Variants in USP34 observed in about 807,000 individuals in gnomAD.
USP34 encodes the protein ubiquitin specific peptidase 34.
USP34 carries 70 observed loss-of-function variants against 460.3 expected under a neutral mutation model. The observed-to-expected ratio is 0.15, with a 90% CI of 0.13 to 0.19. The LOEUF (loss-of-function observed/expected upper bound fraction) is 0.19. Among genes scored for constraint, USP34 ranks in the 10% least tolerant of loss-of-function variants. The pLI is 1.00. For missense variants in USP34, 3,985 were observed against 4,236.2 expected (o/e 0.94, Z 1.65); for synonymous variants, 1,647 against 1,405.3 (o/e 1.17, Z -3.85).
chr2:61,314,296 A>G (rs992574052), intron 25 of USP34, among the ~76,000 whole-genome samples: 1 of 152,066 alleles, frequency 6.6e-6, no homozygotes, highest in African/African-American at 2.4e-5. Context: ...CAAAGTCAAT[A>G]CTTTATCTTA....
At chr2:61,224,644 C>A (rs1687678938) in intron 62 of USP34, among the ~76,000 whole-genome samples, 4 of 152,148 alleles carry the variant, frequency 2.6e-5, no homozygotes, top group Non-Finnish European at 5.9e-5. Flanking sequence ...ATGCTTGATA[C>A]TGTTTTCCAT....
chr2:61,333,980 G>A lies in USP34; in HGVS notation c.2745-9C>T. ...GTGAAATTACTACTGATCTGAAACA[G>A]CAGAAACATTCACAAAATAATTTTA... On this transcript the variant is annotated splice_polypyrimidine_tract_variant and intron_variant, in intron 18 of 79. Transcript: ENST00000398571. The A allele has an allele frequency of 5.2e-6, 8 of 1,538,920 alleles. No individual in the cohort carries two copies. The highest frequency in any genetic ancestry group is 7.0e-6 in the Non-Finnish European group (8 of 1,143,756).
intron 21 of USP34, among the ~76,000 whole-genome samples, chr2:61,319,992 C>T (rs939743247): frequency 7.9e-5 from 12 of 152,072 alleles, no homozygotes; most frequent in African/African-American, 2.9e-4. Flanking sequence ...TTTGGCGAAT[C>T]GGTGGTGGTA....
chr2:61,467,293 A>T (rs977362564), intron 1 of USP34, among the ~76,000 whole-genome samples: 14 of 152,166 alleles, frequency 9.2e-5, no homozygotes, highest in African/African-American at 3.4e-4. Context: ...ACACAGCGAG[A>T]TTCTGTCTCC....
intron 44 of USP34, 88 bp from the exon 45 acceptor site, chr2:61,257,438 A>T (rs994550554): frequency 2.7e-5 from 29 of 1,069,802 alleles, no homozygotes; most frequent in Non-Finnish European, 3.7e-5. Flanking sequence ...AAAACAAAAG[A>T]ACAGGTAGTA....
intron 57 of USP34, among the ~76,000 whole-genome samples, 186 bp from the exon 58 acceptor site, chr2:61,232,718 C>T (rs1019389936): frequency 6.6e-6 from 1 of 152,104 alleles, no homozygotes; most frequent in Non-Finnish European, 1.5e-5. Flanking sequence ...CATTACACAA[C>T]TCCATGGAAT....
At chr2:61,241,523 A>G (rs1688259787) in intron 53 of USP34, 37 bp downstream of exon 53, 2 of 1,494,096 alleles carry the variant, frequency 1.3e-6, no homozygotes, top group South Asian at 2.4e-5. Flanking sequence ...CACTTAACAT[A>G]TTTTTAAAAT....
chr2:61,348,665 A>C (rs1691846020), intron 14 of USP34, 91 bp downstream of exon 14: 2 of 1,483,394 alleles, frequency 1.3e-6, no homozygotes, highest in Non-Finnish European at 1.8e-6. Flanking sequence ...GACAAGCCCA[A>C]ACATGAATTA....
intron 21 of USP34, among the ~76,000 whole-genome samples, chr2:61,323,339 G>A (rs1181150064): frequency 1.3e-5 from 2 of 151,964 alleles, no homozygotes; most frequent in Non-Finnish European, 2.9e-5. Context: ...GTGAAACCCC[G>A]TCTCTACTAA....
chr2:61,272,235 C>T (rs913296989), intron 41 of USP34, among the ~76,000 whole-genome samples: 1 of 151,832 alleles, frequency 6.6e-6, no homozygotes, highest in African/African-American at 2.4e-5. Flanking sequence ...CATGGTGAAA[C>T]CCTGTCTCTA....
intron 1 of USP34, among the ~76,000 whole-genome samples, chr2:61,465,634 G>A (rs1036536464): frequency 6.6e-6 from 1 of 152,158 alleles, no homozygotes; most frequent in Non-Finnish European, 1.5e-5. Context: ...CTTCAGACCA[G>A]GAGTTTGAGA....
chr2:61,201,218 T>C (rs1338643759), intron 75 of USP34, among the ~76,000 whole-genome samples: 1 of 144,500 alleles, frequency 6.9e-6, no homozygotes, highest in Non-Finnish European at 1.5e-5. Context: ...AAAGTTTTTT[T>C]TTTTTTTTTT....
intron 15 of USP34, 22 bp from the exon 16 acceptor site, chr2:61,344,051 AAAGT>A (rs777731824): frequency 2.2e-5 from 36 of 1,603,646 alleles, no homozygotes; most frequent in Non-Finnish European, 1.7e-6. Flanking sequence ...AGAAAAGCAC[AAAGT>A]TAGTAATTAC....
At chr2:61,322,268 C>T (rs749433098) in intron 21 of USP34, among the ~76,000 whole-genome samples, 2 of 151,854 alleles carry the variant, frequency 1.3e-5, no homozygotes, top group Non-Finnish European at 2.9e-5. Flanking sequence ...GAAAAAAGGA[C>T]CCTTATGATG....
At chr2:61,462,356 C>A (rs1167720884) in intron 1 of USP34, among the ~76,000 whole-genome samples, 2 of 151,836 alleles carry the variant, frequency 1.3e-5, no homozygotes, top group African/African-American at 4.8e-5. Flanking sequence ...TGAGAACAGC[C>A]TGGGCAAAAC....
At chr2:61,285,772 G>T (rs553896482) in intron 34 of USP34, among the ~76,000 whole-genome samples, 1 of 152,024 alleles carries the variant, frequency 6.6e-6, no homozygotes, top group South Asian at 2.1e-4. Flanking sequence ...AATATACCAC[G>T]GGTAGAGAGC....
Position 61,223,276 on chromosome 2 carries a change from G to A in USP34, c.7616C>T (p.Thr2539Ile). The A allele has an allele frequency of 6.2e-7, 1 of 1,613,930 alleles. No individual in the cohort carries two copies. The change falls in exon 63 of 80, where the codon ACT becomes ATT. Residue 2539 changes from threonine (T) to isoleucine (I), a missense_variant. Thr to Ile is a moderately conservative substitution (Grantham distance 89). This residue lies in a region of USP34 where 604 missense variants were observed against 684.8 expected (regional missense o/e 0.88). Transcript: ENST00000398571. ...TCCTCCTGTTAATGCTGCCATGTCA[G>A]TCTGTGATAATGTCAAATGCCTGAA... ...RSERHLTLSQ[T>I]DMAALTGGKG...
chr2:61,240,525 G>T (rs1029814278), intron 53 of USP34, among the ~76,000 whole-genome samples: 2 of 151,768 alleles, frequency 1.3e-5, no homozygotes, highest in Non-Finnish European at 2.9e-5. Context: ...TGATCCGCCC[G>T]CCTCGGCCTC....
chr2:61,345,040 A>G (rs1309853113), intron 15 of USP34, among the ~76,000 whole-genome samples: 2 of 152,192 alleles, frequency 1.3e-5, no homozygotes, highest in African/African-American at 2.4e-5. Flanking sequence ...TGGGAGGCCG[A>G]GGCAGGCGGA....
Sources: gnomAD v4.1 joint callset for allele counts (sites outside exome capture counted in the v4.1 genomes callset) on GRCh38, gnomAD v4.1.1 for gene constraint, gnomAD v4.1.1 regional missense constraint, MANE v1.5 for transcripts, NCBI Gene and HGNC (gene_info 2026-07-23, HGNC 2026-07-21) for gene names.